EBF1: variants seen among roughly 807,000 people sequenced by gnomAD.
The protein encoded by EBF1 is transcription factor COE1.
EBF1 carries 10 observed loss-of-function variants against 68.4 expected under a neutral mutation model. That is an observed-to-expected ratio of 0.15 (90% CI 0.09 to 0.25). The LOEUF (loss-of-function observed/expected upper bound fraction) is 0.25, where lower values mean the gene tolerates loss of function less well. Among genes scored for constraint, EBF1 ranks in the 10% least tolerant of loss-of-function variants. The pLI, the probability that EBF1 is intolerant of heterozygous loss-of-function variation, is 1.00. For synonymous variants in EBF1, 298 were observed against 299.8 expected, an observed-to-expected ratio of 0.99 and a Z score of 0.06; for missense variants, 509 against 794.4, an observed-to-expected ratio of 0.64 and a Z score of 4.32.
intron 6 of EBF1, among the ~76,000 whole-genome samples, chr5:158,961,629 T>C (rs1483622495): frequency 2.0e-5 from 3 of 152,214 alleles, no homozygotes; most frequent in Admixed American, 2.0e-4. Flanking sequence ...TTTTCCAAAT[T>C]TTTGGATAAA....
At chr5:158,940,948 CAGCTCCTGACAGCTTTTTGTGAGA>C (rs1813217535) in intron 6 of EBF1, among the ~76,000 whole-genome samples, 1 of 152,064 alleles carries the variant, frequency 6.6e-6, no homozygotes, top group Non-Finnish European at 1.5e-5. Context: ...GGGTAGGAGA[CAGCTCCTGACAGCTTTTTGTGAGA>C]AGTTATGTCT....
At chr5:158,883,411 T>TACATACATACGTATATATATATATAC (rs1799349818) in intron 6 of EBF1, among the ~76,000 whole-genome samples, 1 of 149,002 alleles carries the variant, frequency 6.7e-6, no homozygotes, top group African/African-American at 2.5e-5. Flanking sequence ...TGTATATATA[T>TACATACATACGTATATATATATATAC]ACATACATAC....
chr5:158,971,256 CG>C (rs1755591961), intron 6 of EBF1, among the ~76,000 whole-genome samples: 2 of 152,100 alleles, frequency 1.3e-5, no homozygotes, highest in Non-Finnish European at 2.9e-5. Context: ...AGTCACAGAG[CG>C]AGCGAGCATT....
At chr5:159,050,182 T>TC (rs1561886436) in intron 6 of EBF1, among the ~76,000 whole-genome samples, 6 of 114,998 alleles carry the variant, frequency 5.2e-5, no homozygotes, top group African/African-American at 1.1e-4. Context: ...CTCTCTCTCT[T>TC]CTCTCTTTTC....
chr5:158,717,218 T>G (rs1581264344), intron 11 of EBF1, among the ~76,000 whole-genome samples: 1 of 152,340 alleles, frequency 6.6e-6, no homozygotes, highest in East Asian at 1.9e-4. Flanking sequence ...GTGTATGCCA[T>G]CTCTTCTGTG....
chr5:158,788,233 T>C (rs959261669), intron 9 of EBF1, among the ~76,000 whole-genome samples: 2 of 152,000 alleles, frequency 1.3e-5, no homozygotes, highest in African/African-American at 4.8e-5. Context: ...TAAGGCAACA[T>C]AAGAATTTAG....
intron 6 of EBF1, among the ~76,000 whole-genome samples, chr5:158,958,196 A>T (rs1195916338): frequency 2.0e-5 from 3 of 152,186 alleles, no homozygotes; most frequent in Admixed American, 2.0e-4. Context: ...AATTTAAATG[A>T]CAAGCTTGGC....
intron 6 of EBF1, among the ~76,000 whole-genome samples, chr5:158,847,229 TA>T (rs1333802509): frequency 6.6e-6 from 1 of 152,198 alleles, no homozygotes; most frequent in African/African-American, 2.4e-5. Context: ...GGCAAGAATT[TA>T]AAAAAACAAA....
chr5:158,907,074 G>C (rs1392227694), intron 6 of EBF1, among the ~76,000 whole-genome samples: 1 of 152,206 alleles, frequency 6.6e-6, no homozygotes, highest in Non-Finnish European at 1.5e-5. Context: ...TCTAAAACCA[G>C]GAAAGTCCCC....
In EBF1 at chr5:159,099,381, C is replaced by T; in HGVS notation, c.98G>A (p.Gly33Asp). 1 of 1,597,880 alleles carries T rather than the reference C, an allele frequency of 6.3e-7. No homozygotes were observed. Among genetic ancestry groups the T allele is most frequent in the Non-Finnish European group, 8.5e-7 (1 of 1,172,732 alleles). Residue 33 changes from glycine to aspartate, a missense_variant, in exon 1 of 16, where the codon GGC (glycine) becomes GAC (aspartate). Gly to Asp is a moderately conservative substitution (Grantham distance 94). Transcript: ENST00000313708. The stretch of plus-strand genomic sequence containing the variant: ...CGTGTTGGCGTCCAGCACCCCGGCG[C>T]CCTGCATCCACGTCCGCACCGCGTT... ...GMNAVRTWMQ[G>D]AGVLDANTAA...
At chr5:158,869,445 C>G (rs1056015091) in intron 6 of EBF1, among the ~76,000 whole-genome samples, 5 of 152,092 alleles carry the variant, frequency 3.3e-5, no homozygotes, top group Non-Finnish European at 7.4e-5. Context: ...AGGGAATACC[C>G]GCCCCCGACC....
At chr5:158,859,691 C>A (rs1487520401) in intron 6 of EBF1, among the ~76,000 whole-genome samples, 4 of 152,182 alleles carry the variant, frequency 2.6e-5, no homozygotes, top group African/African-American at 9.7e-5. Context: ...CACTTCCCAC[C>A]TTCAAGCCTC....
intron 7 of EBF1, among the ~76,000 whole-genome samples, chr5:158,823,648 C>T (rs976825649): frequency 6.6e-6 from 1 of 152,162 alleles, no homozygotes; most frequent in African/African-American, 2.4e-5. Context: ...AATTACCCTT[C>T]AGTTTAGACA....
chr5:158,925,332 CCT>C (rs1809453352), intron 6 of EBF1, among the ~76,000 whole-genome samples: 1 of 152,210 alleles, frequency 6.6e-6, no homozygotes, highest in South Asian at 2.1e-4. Context: ...TGCCTGTTCA[CCT>C]CTTTATTGCC....
intron 11 of EBF1, among the ~76,000 whole-genome samples, chr5:158,717,683 C>A (rs1660409445): frequency 6.6e-6 from 1 of 151,656 alleles, no homozygotes; most frequent in Non-Finnish European, 1.5e-5. Context: ...ATACTAGTAT[C>A]CTAAATATTG....
At position 158,712,387 on chromosome 5, in the gene EBF1, C is replaced by A. The variant is rs572385017; in HGVS notation, c.1370-54G>T. 1.5e-5 allele frequency: 24 copies of A among 1,588,568 alleles called. No homozygotes were observed. In the East Asian group the frequency reaches 5.0e-4, roughly 33 times the overall value. On this transcript the variant is annotated intron_variant, in intron 13 of 15. Transcript: ENST00000313708. ...AGGGTGGCATTCAGATGGTGGCAATCCTGGAAGACTCGGGGAAAGGAAGGT... is the reference window on the plus strand; with the variant it reads ...AGGGTGGCATTCAGATGGTGGCAATACTGGAAGACTCGGGGAAAGGAAGGT...
intron 6 of EBF1, among the ~76,000 whole-genome samples, chr5:158,951,676 T>G (rs1816028650): frequency 6.6e-6 from 1 of 152,164 alleles, no homozygotes; most frequent in Non-Finnish European, 1.5e-5. Flanking sequence ...GCTCACTGCC[T>G]TGTACTAAAT....
chr5:159,021,982 C>T (rs1766774995), intron 6 of EBF1, among the ~76,000 whole-genome samples: 1 of 146,962 alleles, frequency 6.8e-6, no homozygotes, highest in South Asian at 2.2e-4. Context: ...GTTGGATACA[C>T]TCGAGTGTTG....
chr5:158,965,513 T>C (rs986736415), intron 6 of EBF1, among the ~76,000 whole-genome samples: 4 of 152,206 alleles, frequency 2.6e-5, no homozygotes, highest in Non-Finnish European at 5.9e-5. Flanking sequence ...GCAATTGTTT[T>C]TGAAAATCCA....
Sources: allele counts gnomAD v4.1 joint callset (sites outside exome capture counted in the v4.1 genomes callset), GRCh38; gene constraint gnomAD v4.1.1; transcripts MANE v1.5; gene names NCBI Gene and HGNC (gene_info 2026-07-23, HGNC 2026-07-21).